The following WDFY4 variants were observed in gnomAD, a reference collection of about 807,000 sequenced individuals.
WDFY4 encodes the protein WD repeat- and FYVE domain-containing protein 4.
Under a neutral mutation model 351.9 loss-of-function variants are expected in WDFY4, and 169 were observed. The observed-to-expected ratio is 0.48, with a 90% CI of 0.42 to 0.55. The LOEUF (loss-of-function observed/expected upper bound fraction) is 0.55, where lower values mean the gene tolerates loss of function less well. Ranked by LOEUF, WDFY4 falls within the 20% of genes least tolerant of loss-of-function variation. The probability of loss-of-function intolerance (pLI) is 0.00; values close to 1 mark genes in which losing one functional copy is unlikely to be tolerated. For synonymous variants in WDFY4, 1,622 were observed against 1,574.6 expected (o/e 1.03, Z -0.71); for missense variants, 3,803 against 3,935.6 (o/e 0.97, Z 0.90).
intron 24 of WDFY4, 109 bp downstream of exon 24, chr10:48,796,559 T>A (rs957042375): frequency 7.1e-7 from 1 of 1,412,686 alleles, no homozygotes; most frequent in African/African-American, 1.4e-5. Context: ...ATAGTCATGA[T>A]GGTAGGGAGA....
chr10:48,751,766 C>T (rs1159805660), intron 12 of WDFY4, among the ~76,000 whole-genome samples: 1 of 152,144 alleles, frequency 6.6e-6, no homozygotes, highest in East Asian at 1.9e-4. Context: ...ACATAGGGGG[C>T]AGTCTGTCTG....
intron 39 of WDFY4, among the ~76,000 whole-genome samples, chr10:48,850,773 C>T (rs147122655): frequency 6.6e-6 from 1 of 152,318 alleles, no homozygotes; most frequent in African/African-American, 2.4e-5. Flanking sequence ...TGTTGCCACA[C>T]AGAGCTGAAA....
chr10:48,742,996 A>C lies in WDFY4; in HGVS notation c.1907A>C (p.Lys636Thr). 6.5e-7 allele frequency: 1 copy of C among 1,550,098 alleles called. No homozygotes were observed. Among genetic ancestry groups the C allele is most frequent in the Middle Eastern group, 1.7e-4 (1 of 5,988 alleles). The change falls in exon 12 of 62, where the codon AAG becomes ACG. Residue 636 changes from lysine to threonine, a missense_variant. Coordinates refer to ENST00000325239, the MANE Select transcript of WDFY4 (RefSeq NM_001394531.1). ...CTGCTCCGGATCCTGGTGACCCCCA[A>C]GGGTCGTGCTGCCTTCAGAGTCTCC... ...KSLLRILVTPKGRAAFRVSSG... is the reference protein window; with the variant it reads ...KSLLRILVTPTGRAAFRVSSG...
At chr10:48,871,802 G>A (rs999173626) in intron 40 of WDFY4, among the ~76,000 whole-genome samples, 6 of 152,106 alleles carry the variant, frequency 3.9e-5, no homozygotes, top group African/African-American at 1.4e-4. Context: ...ACCAATTGGA[G>A]TACTACATAA....
At chr10:48,825,306 C>T (rs1009624920) in intron 35 of WDFY4, among the ~76,000 whole-genome samples, 2 of 152,198 alleles carry the variant, frequency 1.3e-5, no homozygotes, top group African/African-American at 2.4e-5. Flanking sequence ...CTTTTTATGG[C>T]TCATAGTATT....
At chr10:48,748,928 C>T (rs1279624781) in intron 12 of WDFY4, among the ~76,000 whole-genome samples, 2 of 151,964 alleles carry the variant, frequency 1.3e-5, no homozygotes, top group Admixed American at 6.5e-5. Context: ...GGAAAGAGGC[C>T]GTGGGCCTTG....
chr10:48,851,401 T>C (rs1460117661), intron 39 of WDFY4, among the ~76,000 whole-genome samples: 3 of 152,210 alleles, frequency 2.0e-5, no homozygotes, highest in Non-Finnish European at 4.4e-5. Flanking sequence ...TTCCTTGGGA[T>C]AAATTAATGG....
chr10:48,783,272 A>G (rs968425799), intron 19 of WDFY4, among the ~76,000 whole-genome samples: 1 of 152,182 alleles, frequency 6.6e-6, no homozygotes, highest in Non-Finnish European at 1.5e-5. Context: ...ACTAAGCTCT[A>G]GATGATTTAT....
intron 39 of WDFY4, among the ~76,000 whole-genome samples, chr10:48,860,152 A>G (rs1177218363): frequency 1.3e-5 from 2 of 151,586 alleles, no homozygotes; most frequent in Non-Finnish European, 2.9e-5. Flanking sequence ...TGTTTCAATC[A>G]TTTTTCTGCT....
chr10:48,771,691 G>A (rs982874275), intron 13 of WDFY4, among the ~76,000 whole-genome samples: 34 of 152,208 alleles, frequency 2.2e-4, no homozygotes, highest in East Asian at 7.7e-4. Context: ...GCTGGAGCAC[G>A]TTTCAAACTG....
In WDFY4 at chr10:48,788,668, C is replaced by T. The variant is rs1159210422; in HGVS notation, c.3947C>T (p.Ala1316Val). The change falls in exon 21 of 62, where the codon GCC becomes GTC. Residue 1316 changes from alanine (A) to valine (V), a missense_variant. Coordinates refer to ENST00000325239, the MANE Select transcript of WDFY4 (RefSeq NM_001394531.1). Reference protein sequence around the residue: ...AYNEVDSRLIAKEMNISSRDN... With the variant: ...AYNEVDSRLIVKEMNISSRDN... ...AATGAGGTGGACAGCCGCCTGATCG[C>T]CAAAGAGGTACATCTTCTAACTTCG... The T allele has an allele frequency of 6.4e-7, 1 of 1,551,594 alleles. No individual in the cohort carries two copies. Among genetic ancestry groups the T allele is most frequent in the Admixed American group, 2.0e-5 (1 of 50,992 alleles).
intron 2 of WDFY4, among the ~76,000 whole-genome samples, chr10:48,713,751 T>A (rs1205570303): frequency 1.3e-5 from 2 of 152,268 alleles, no homozygotes. Flanking sequence ...AGGTGAAGGA[T>A]GTTTCAGTCC....
chr10:48,774,982 G>C (rs144857904), intron 14 of WDFY4, among the ~76,000 whole-genome samples: 130 of 152,184 alleles, frequency 8.5e-4, no homozygotes, highest in African/African-American at 3.0e-3. Context: ...GGCCTGGAAG[G>C]CTCTGCCGGG....
chr10:48,947,023 C>A, intron 51 of WDFY4, 54 bp downstream of exon 51: 1 of 1,204,490 alleles, frequency 8.3e-7, no homozygotes, highest in Non-Finnish European at 1.2e-6. Flanking sequence ...CACACACATA[C>A]GCCTGTATCA....
At chr10:48,838,824 T>G (rs7082553) in intron 39 of WDFY4, among the ~76,000 whole-genome samples, 6 of 152,168 alleles carry the variant, frequency 3.9e-5, no homozygotes, top group Non-Finnish European at 5.9e-5. Context: ...AAATAAAGAT[T>G]GCAGAGAGGA....
chr10:48,866,920 C>A (rs373275786), intron 39 of WDFY4, among the ~76,000 whole-genome samples: 1 of 152,108 alleles, frequency 6.6e-6, no homozygotes, highest in African/African-American at 2.4e-5. Flanking sequence ...CTTGTAATCC[C>A]AGCACTTTGG....
chr10:48,725,428 G>T (rs944505167), intron 5 of WDFY4, among the ~76,000 whole-genome samples: 1 of 152,184 alleles, frequency 6.6e-6, no homozygotes, highest in African/African-American at 2.4e-5. Flanking sequence ...AAGGGGATTG[G>T]CGGGAACAAG....
At chr10:48,774,720 C>G in intron 14 of WDFY4, 48 bp downstream of exon 14, 1 of 1,546,900 alleles carries the variant, frequency 6.5e-7, no homozygotes, top group Non-Finnish European at 8.7e-7. Flanking sequence ...CAGCCATGTC[C>G]TTTGCAGGGC....
At chr10:48,803,600 G>A (rs1270581499) in intron 25 of WDFY4, among the ~76,000 whole-genome samples, 3 of 152,130 alleles carry the variant, frequency 2.0e-5, no homozygotes, top group Non-Finnish European at 4.4e-5. Context: ...ACATACTGGG[G>A]GCTCAGCAAT....
Sources: gnomAD v4.1 joint callset for allele counts (sites outside exome capture counted in the v4.1 genomes callset) on GRCh38, gnomAD v4.1.1 for gene constraint, MANE v1.5 for transcripts, NCBI Gene and HGNC (gene_info 2026-07-23, HGNC 2026-07-21) for gene names.